DCUN1D1: variants seen among roughly 807,000 people sequenced by gnomAD.
DCUN1D1 encodes the protein defective in cullin neddylation 1 domain containing 1, also known as DCN1-like protein 1.
A neutral mutation model predicts 39.0 loss-of-function variants in DCUN1D1; 3 were observed. That is an observed-to-expected ratio of 0.08 (90% CI 0.04 to 0.20). DCUN1D1 has a LOEUF of 0.20. Ranked by LOEUF, DCUN1D1 falls within the 10% of genes least tolerant of loss-of-function variation. The pLI, the probability that DCUN1D1 is intolerant of heterozygous loss-of-function variation, is 1.00. For missense variants in DCUN1D1, 158 were observed against 302.4 expected (o/e 0.52, Z 3.54); for synonymous variants, 82 against 96.3 (o/e 0.85, Z 0.87).
At chr3:182,979,783 TC>T (rs1239420443) in intron 1 of DCUN1D1, among the ~76,000 whole-genome samples, 1 of 152,084 alleles carries the variant, frequency 6.6e-6, no homozygotes, top group African/African-American at 2.4e-5. Context: ...AGGTTGCACT[TC>T]CGTACCCCCT....
rs1266120499 is a variant in DCUN1D1, at chr3:182,947,551, A to G, written c.602T>C (p.Leu201Ser). The G allele has an allele frequency of 5.2e-6, 8 of 1,544,248 alleles. No homozygotes were observed. Among genetic ancestry groups the G allele is most frequent in the Non-Finnish European group, 7.1e-6 (8 of 1,126,286 alleles). ...GAAATGTAGAAAATGTGAACTTACC[A>G]ACAAAAATTTATTCCATAAGTCTAA... ...KFLDLWNKFL[L>S]EHHKRSIPKD... The change falls in exon 5 of 7, where the codon TTG becomes TCG. Residue 201 changes from leucine (L) to serine (S), a missense_variant and splice_region_variant. Leu to Ser is a moderately radical substitution (Grantham distance 145). This residue lies in a region of DCUN1D1 where 25 missense variants were observed against 26.3 expected (regional missense o/e 0.95). Coordinates refer to ENST00000292782, the MANE Select transcript of DCUN1D1 (RefSeq NM_020640.4).
At chr3:182,955,497 C>G (rs1726998016) in intron 4 of DCUN1D1, 1 of 535,476 alleles carries the variant, frequency 1.9e-6, no homozygotes, top group Admixed American at 2.0e-5. Flanking sequence ...AAACATTTAA[C>G]ACATTTTTTA....
chr3:182,979,595 C>CTTTT (rs1553846257), intron 1 of DCUN1D1, among the ~76,000 whole-genome samples: 6 of 134,334 alleles, frequency 4.5e-5, no homozygotes, highest in South Asian at 5.1e-4. Context: ...CTGGAGAGGA[C>CTTTT]TTTTTCCCCC....
At chr3:182,961,109 T>A (rs1474412726) in intron 4 of DCUN1D1, 117 bp downstream of exon 4, 7 of 750,070 alleles carry the variant, frequency 9.3e-6, no homozygotes, top group African/African-American at 5.5e-5. Flanking sequence ...TACTTTTCAA[T>A]AACTGGTATT....
chr3:182,947,679 G>A, intron 4 of DCUN1D1, 47 bp from the exon 5 acceptor site: 8 of 1,116,342 alleles, frequency 7.2e-6, no homozygotes, highest in Non-Finnish European at 9.2e-6. Flanking sequence ...ATAAATATTT[G>A]TCCCTGCAAA....
At chr3:182,950,435 C>T (rs1026982864) in intron 4 of DCUN1D1, among the ~76,000 whole-genome samples, 5 of 151,912 alleles carry the variant, frequency 3.3e-5, no homozygotes, top group South Asian at 2.1e-4. Context: ...CATGAGCCAC[C>T]GCGCCCAGCC....
In DCUN1D1 at chr3:182,944,349, T is replaced by C. The variant is rs1470448564; in HGVS notation, c.*745A>G. The C allele has an allele frequency of 1.3e-5, 2 of 152,624 alleles. No homozygotes were observed. The highest frequency in any genetic ancestry group is 4.8e-5 in the African/African-American group (2 of 41,460). 9.5% of individuals were successfully genotyped at this position (152,624 alleles called of 1,614,324 possible). A position where few individuals can be genotyped will look rare whatever the true frequency, so the allele number is the denominator to read the frequency against. On this transcript the variant is annotated 3_prime_UTR_variant, in exon 7 of 7. Coordinates refer to ENST00000292782, the MANE Select transcript of DCUN1D1 (RefSeq NM_020640.4). ...AGAATCTAACATTATGCAGACATTT[T>C]CTAAATAAAAGCTCCCTGTAGGACA... is the stretch of plus-strand genomic sequence containing the variant.
intron 1 of DCUN1D1, among the ~76,000 whole-genome samples, chr3:182,970,247 G>C (rs1357792685): frequency 1.3e-5 from 2 of 151,696 alleles, no homozygotes; most frequent in African/African-American, 2.4e-5. Flanking sequence ...CTGGGTGACA[G>C]AGCGAAATCT....
At chr3:182,980,459 G>A (rs773118321) in intron 1 of DCUN1D1, 28 bp downstream of exon 1, 8 of 1,151,142 alleles carry the variant, frequency 6.9e-6, no homozygotes, top group Admixed American at 3.4e-5. Context: ...CCAGCCGGCA[G>A]GGCGGGCGGG....
At chr3:182,951,034 T>C (rs1356081582) in intron 4 of DCUN1D1, 1 of 51,892 alleles carries the variant, frequency 1.9e-5, no homozygotes, top group Non-Finnish European at 5.0e-5. Flanking sequence ...AAAAAAAAAA[T>C]ACATAACACC....
intron 4 of DCUN1D1, among the ~76,000 whole-genome samples, chr3:182,947,889 G>C (rs1037534011): frequency 2.0e-5 from 3 of 152,176 alleles, no homozygotes; most frequent in Admixed American, 2.0e-4. Context: ...TTTTAAATTA[G>C]AGAATGCAGT....
intron 6 of DCUN1D1, among the ~76,000 whole-genome samples, chr3:182,945,881 T>C (rs375994216): frequency 3.9e-4 from 59 of 152,080 alleles, no homozygotes; most frequent in African/African-American, 1.4e-3. Context: ...GAAGACACAA[T>C]TATTAGGTAT....
chr3:182,974,472 C>A (rs1243622290), intron 1 of DCUN1D1, among the ~76,000 whole-genome samples: 30 of 142,240 alleles, frequency 2.1e-4, no homozygotes, highest in South Asian at 4.3e-4. Flanking sequence ...TTACTGAGGC[C>A]AAAAAAAAAA....
intron 2 of DCUN1D1, 36 bp downstream of exon 2, chr3:182,965,501 T>C: frequency 1.4e-6 from 2 of 1,446,998 alleles, no homozygotes; most frequent in Non-Finnish European, 1.9e-6. Context: ...GAAAATCTGG[T>C]CCAAAATTTA....
chr3:182,951,459 C>A (rs1163489831), intron 4 of DCUN1D1, among the ~76,000 whole-genome samples: 2 of 150,730 alleles, frequency 1.3e-5, no homozygotes, highest in East Asian at 2.0e-4. Context: ...TACTAAAAAT[C>A]AAAAAAACCA....
chr3:182,957,979 C>T (rs2108640789), intron 4 of DCUN1D1, among the ~76,000 whole-genome samples: 1 of 148,164 alleles, frequency 6.7e-6, no homozygotes, highest in South Asian at 2.1e-4. Flanking sequence ...ATGGAATACA[C>T]CAGTTCTCAT....
rs138814341 is a variant in DCUN1D1 at position 182,955,202 on chromosome 3, G to A, written c.520+6024C>T. On this transcript the variant is annotated intron_variant, in intron 4 of 6. Coordinates refer to ENST00000292782, the MANE Select transcript of DCUN1D1 (RefSeq NM_020640.4). ...ATTACAGGCATGCGCCACCACACCCGGCTAATTTAAACTGACTTTTAATAC... is the reference window on the plus strand; with the variant it reads ...ATTACAGGCATGCGCCACCACACCCAGCTAATTTAAACTGACTTTTAATAC... 6.7e-3 allele frequency among the ~76,000 whole-genome samples: 1,014 copies of A among 152,098 alleles called. 2 individuals carry two copies. The highest frequency in any genetic ancestry group is 0.01 in the Middle Eastern group (3 of 294).
At chr3:182,980,655 G>T, upstream of DCUN1D1, 1 of 924,244 alleles carries the variant, frequency 1.1e-6, no homozygotes, top group Non-Finnish European at 1.3e-6. Context: ...GGAGGCGGAG[G>T]GACGGAGGCA....
At chr3:182,959,065 T>C (rs1727241536) in intron 4 of DCUN1D1, among the ~76,000 whole-genome samples, 1 of 152,166 alleles carries the variant, frequency 6.6e-6, no homozygotes. Context: ...TCAAAGACTT[T>C]AACAGATTAT....
Sources: gnomAD v4.1 joint callset for allele counts (sites outside exome capture counted in the v4.1 genomes callset) on GRCh38, gnomAD v4.1.1 for gene constraint, gnomAD v4.1.1 regional missense constraint, MANE v1.5 for transcripts, NCBI Gene and HGNC (gene_info 2026-07-23, HGNC 2026-07-21) for gene names.